CCDC47: variants seen among roughly 807,000 people sequenced by gnomAD.
CCDC47 encodes the protein coiled-coil domain containing 47.
Under a neutral mutation model 60.5 loss-of-function variants are expected in CCDC47, and 41 were observed. The observed-to-expected ratio is 0.68, with a 90% CI of 0.53 to 0.88. The LOEUF is 0.88. Ranked by LOEUF, CCDC47 falls within the 40% of genes least tolerant of loss-of-function variation. The probability of loss-of-function intolerance (pLI) is 0.00; values close to 1 mark genes in which losing one functional copy is unlikely to be tolerated. For missense variants in CCDC47, 513 were observed against 580.9 expected (o/e 0.88, Z 1.20); for synonymous variants, 195 against 190.7 (o/e 1.02, Z -0.18).
intron 1 of CCDC47, among the ~76,000 whole-genome samples, chr17:63,768,616 C>T (rs991170121): frequency 6.6e-6 from 1 of 152,098 alleles, no homozygotes; most frequent in African/African-American, 2.4e-5. Flanking sequence ...CTTGAGCTCA[C>T]GAGGCCGGCC....
intron 6 of CCDC47, 111 bp from the exon 7 acceptor site, chr17:63,756,681 T>TA: frequency 4.3e-6 from 3 of 693,322 alleles, no homozygotes; most frequent in Non-Finnish European, 7.5e-6. Context: ...ACTCTCCCTT[T>TA]AAGTGATTGG....
chr17:63,760,920 A>G lies in CCDC47; in HGVS notation c.729T>C (p.Asp243=). Residue 243 remains aspartate, a synonymous_variant, in exon 6 of 13, where the codon GAT becomes GAC. Coordinates refer to ENST00000225726, the MANE Select transcript of CCDC47 (RefSeq NM_020198.3). ...VLARMMRPVS[D]QVQIKVTMND... The stretch of plus-strand genomic sequence containing the variant: ...CAGCGGGAAGAATACATACCACTTG[A>G]TCACTCACTGGCCTCATCATCCGGG... 1 of 1,610,876 alleles carries G rather than the reference A, an allele frequency of 6.2e-7. No individual in the cohort carries two copies. The highest frequency in any genetic ancestry group is 8.5e-7 in the Non-Finnish European group (1 of 1,177,230).
Position 63,756,280 on chromosome 17 carries a change from GACAGGATGGCC to G in CCDC47, c.897_907del (p.Leu299PhefsTer24). 1 of 1,614,064 alleles carries G rather than the reference GACAGGATGGCC, an allele frequency of 6.2e-7. No individual in the cohort carries two copies. The highest frequency in any genetic ancestry group is 8.5e-7 in the Non-Finnish European group (1 of 1,179,932). On this transcript the variant is annotated frameshift_variant, in exon 8 of 13. Coordinates refer to ENST00000225726, the MANE Select transcript of CCDC47 (RefSeq NM_020198.3). LOFTEE classifies it high-confidence loss of function. ...TCCGTCTGTGACTTCTCCCATCTCT[GACAGGATGGCC>G]AAAGAGTCCGGCAGTCCATACTTTG... is the stretch of plus-strand genomic sequence containing the variant.
intron 4 of CCDC47, among the ~76,000 whole-genome samples, chr17:63,763,786 T>C (rs1324675800): frequency 2.0e-5 from 3 of 151,614 alleles, no homozygotes; most frequent in Non-Finnish European, 2.9e-5. Flanking sequence ...ATCGCGCCAC[T>C]GCACTCCAGC....
chr17:63,772,411 G>A (rs536351071), intron 1 of CCDC47, among the ~76,000 whole-genome samples: 171 of 151,888 alleles, frequency 1.1e-3, no homozygotes, highest in African/African-American at 4.0e-3. Flanking sequence ...TCGCCACCAC[G>A]CAGGGCTAAT....
chr17:63,747,030 CA>C (rs2039125577), intron 12 of CCDC47, 69 bp from the exon 13 acceptor site: 1 of 1,561,776 alleles, frequency 6.4e-7, no homozygotes, highest in African/African-American at 1.4e-5. Context: ...AAGCTTGAAA[CA>C]TATGTTAAAA....
chr17:63,753,737 G>T, intron 9 of CCDC47: 1 of 447,344 alleles, frequency 2.2e-6, no homozygotes, highest in Non-Finnish European at 3.0e-6. Context: ...GCCAGAAAAG[G>T]CCATAAATTA....
In CCDC47 at chr17:63,766,156, A is replaced by C; in HGVS notation, c.20T>G (p.Phe7Cys). 6.2e-7 allele frequency: 1 copy of C among 1,612,962 alleles called. No individual in the cohort carries two copies. The highest frequency in any genetic ancestry group is 8.5e-7 in the Non-Finnish European group (1 of 1,179,686). Residue 7 changes from phenylalanine to cysteine, a missense_variant, in exon 2 of 13, where the codon TTC (phenylalanine) becomes TGC (cysteine). By Grantham distance (205) the Phe-to-Cys change is radical. Coordinates refer to ENST00000225726, the MANE Select transcript of CCDC47 (RefSeq NM_020198.3). MKAFHT[F>C]CVVLLVFGSV... The stretch of plus-strand genomic sequence containing the variant: ...CCCAAACACCAGAAGGACAACACAG[A>C]AAGTGTGGAAGGCTTTCATTGCACC...
intron 4 of CCDC47, chr17:63,762,129 G>A (rs2039266048): frequency 1.0e-6 from 1 of 984,444 alleles, no homozygotes; most frequent in Non-Finnish European, 1.2e-6. Flanking sequence ...GGTATTAAGA[G>A]TTGTATTTTA....
chr17:63,772,420 A>AT (rs1404455857), intron 1 of CCDC47, among the ~76,000 whole-genome samples: 5 of 151,628 alleles, frequency 3.3e-5, no homozygotes, highest in African/African-American at 1.2e-4. Flanking sequence ...CGCAGGGCTA[A>AT]TTTTTTGTAT....
rs200914420 is a variant in CCDC47, at chr17:63,751,976, C to T, written c.1335G>A (p.Met445Ile). Residue 445 changes from methionine (M) to isoleucine (I), a missense_variant, in exon 12 of 13, where the codon ATG becomes ATA. Coordinates refer to ENST00000225726, the MANE Select transcript of CCDC47 (RefSeq NM_020198.3). The part of the protein sequence containing the change: ...EKKRAEKERI[M>I]NEEDPEKQRR... ...GCTGTTTCTCAGGATCTTCCTCATT[C>T]ATGATTCGCTCCTTCTCTGCTCTTT... is the stretch of plus-strand genomic sequence containing the variant. 4.3e-6 allele frequency: 7 copies of T among 1,613,672 alleles called. No individual in the cohort carries two copies. Among genetic ancestry groups the T allele is most frequent in the Non-Finnish European group, 5.9e-6 (7 of 1,180,038 alleles).
rs557812262 is a variant in CCDC47 at position 63,747,054 on chromosome 17, T to C, written c.1372-93A>G. ...ACATATGTTAAAAAAAAATCCAAATTAGAATACTGCCTATAGTATTATTCA... is the reference window on the plus strand; with the variant it reads ...ACATATGTTAAAAAAAAATCCAAATCAGAATACTGCCTATAGTATTATTCA... On this transcript the variant is annotated intron_variant, in intron 12 of 12. Transcript: ENST00000225726. 128 of 1,534,820 alleles carry C rather than the reference T, an allele frequency of 8.3e-5. No homozygotes were observed. In the South Asian group the frequency reaches 1.4e-3, roughly 17 times the overall value.
rs140293985 is a variant in CCDC47 at position 63,752,346 on chromosome 17, C to T, written c.1177G>A (p.Ala393Thr). 4 of 1,613,570 alleles carry T rather than the reference C, an allele frequency of 2.5e-6. No homozygotes were observed. Among genetic ancestry groups the T allele is most frequent in the African/African-American group, 1.3e-5 (1 of 74,892 alleles). The change falls in exon 11 of 13, where the codon GCC (alanine) becomes ACC (threonine). Residue 393 changes from alanine to threonine, a missense_variant. Physicochemically the swap from Ala to Thr is moderately conservative, Grantham distance 58 (BLOSUM62 0). Coordinates refer to ENST00000225726, the MANE Select transcript of CCDC47 (RefSeq NM_020198.3). The part of the protein sequence containing the change: ...MNMVIYSIDK[A>T]KKFRLNREGK... Reference sequence around the variant, plus strand: ...TCTCTGTTGAGTCGGAACTTTTTGGCTTTATCAATAGAATAAATCACCATG... The same window carrying T: ...TCTCTGTTGAGTCGGAACTTTTTGGTTTTATCAATAGAATAAATCACCATG...
At position 63,761,318 on chromosome 17, in the gene CCDC47, G is replaced by C. The variant is rs774830716; in HGVS notation, c.581C>G (p.Thr194Arg). 1 of 1,613,990 alleles carries C rather than the reference G, an allele frequency of 6.2e-7. No homozygotes were observed. The highest frequency in any genetic ancestry group is 1.1e-5 in the South Asian group (1 of 91,078). The stretch of plus-strand genomic sequence containing the variant: ...CTCATTCTCCTGGTTCAACTTTCCT[G>C]TGCTTGTGGCTTCTTTGTTAGTTCC... ...DDGTNKEATS[T>R]GKLNQENEHI... Residue 194 changes from threonine to arginine, a missense_variant, in exon 5 of 13, where the codon ACA becomes AGA. Coordinates refer to ENST00000225726, the MANE Select transcript of CCDC47 (RefSeq NM_020198.3).
At chr17:63,753,047 CAAGGGTAT>C in intron 9 of CCDC47, 5 of 532,078 alleles carry the variant, frequency 9.4e-6, no homozygotes, top group Non-Finnish European at 1.2e-5. Flanking sequence ...TCCCTCCAGG[CAAGGGTAT>C]ATTCCATCTC....
At chr17:63,756,715 T>C (rs2039210322) in intron 6 of CCDC47, 145 bp from the exon 7 acceptor site, 4 of 622,944 alleles carry the variant, frequency 6.4e-6, no homozygotes, top group South Asian at 5.9e-5. Flanking sequence ...GATGGAATAT[T>C]ACCCCCATAA....
chr17:63,764,041 A>G lies in CCDC47; in HGVS notation c.522T>C (p.Leu174=). ...AQAWFNTHRE[L]LESNFTLVGD... ...CCACTAAAGTAAAGTTGCTCTCCAA[A>G]AGCTCCCTATGAGTGTTAAACCAGG... Residue 174 remains leucine, a synonymous_variant, in exon 4 of 13, where the codon CTT becomes CTC. Coordinates refer to ENST00000225726, the MANE Select transcript of CCDC47 (RefSeq NM_020198.3). 3 of 1,593,148 alleles carry G rather than the reference A, an allele frequency of 1.9e-6. No individual in the cohort carries two copies. The highest frequency in any genetic ancestry group is 2.7e-5 in the African/African-American group (2 of 73,698).
intron 1 of CCDC47, among the ~76,000 whole-genome samples, chr17:63,767,986 C>G (rs937129066): frequency 6.6e-6 from 1 of 152,154 alleles, no homozygotes; most frequent in African/African-American, 2.4e-5. Flanking sequence ...TTACCCCCAC[C>G]TGCTGAAGAG....
chr17:63,762,063 T>C, intron 4 of CCDC47: 3 of 980,556 alleles, frequency 3.1e-6, no homozygotes, highest in Non-Finnish European at 3.6e-6. Context: ...CTCCTATGAA[T>C]TAACTTTAAC....
Sources: allele counts gnomAD v4.1 joint callset (sites outside exome capture counted in the v4.1 genomes callset), GRCh38; gene constraint gnomAD v4.1.1; transcripts MANE v1.5; gene names NCBI Gene and HGNC (gene_info 2026-07-23, HGNC 2026-07-21).